Variants in RIMKLB observed in about 807,000 individuals in gnomAD.
The protein encoded by RIMKLB is ribosomal modification protein rimK like family member B, also known as beta-citrylglutamate synthase B.
Under a neutral mutation model 32.0 loss-of-function variants are expected in RIMKLB, and 7 were observed. That is an observed-to-expected ratio of 0.22 (90% CI 0.12 to 0.41). RIMKLB has a LOEUF of 0.41. RIMKLB is among the 10% of genes least tolerant of loss of function. The pLI is 1.00. For synonymous variants in RIMKLB, 172 were observed against 185.1 expected, an observed-to-expected ratio of 0.93 and a Z score of 0.57; for missense variants, 289 against 498.7, an observed-to-expected ratio of 0.58 and a Z score of 4.00.
chr12:8,696,166 AT>A (rs1321560060), upstream of RIMKLB, among the ~76,000 whole-genome samples: 1 of 151,834 alleles, frequency 6.6e-6, no homozygotes, highest in Non-Finnish European at 1.5e-5. Context: ...TCCTCTGTAC[AT>A]TTTTTTCCCT....
At chr12:8,693,692 C>T (rs751406674), upstream of RIMKLB, among the ~76,000 whole-genome samples, 46 of 152,102 alleles carry the variant, frequency 3.0e-4, no homozygotes, top group Admixed American at 2.9e-3. Context: ...GACACCACAC[C>T]GGGCCTGTAC....
rs3076182 is a variant in RIMKLB at position 8,704,971 on chromosome 12, AACAC to A, written c.-57+6700_-57+6703del. 2.2e-3 allele frequency among the ~76,000 whole-genome samples: 320 copies of A among 146,654 alleles called. 3 individuals are homozygous for A. The highest frequency in any genetic ancestry group is 5.3e-3 in the African/African-American group (209 of 39,382). On this transcript the variant is annotated intron_variant, in intron 1 of 5. Coordinates refer to ENST00000535829, the MANE Select transcript of RIMKLB (RefSeq NM_001297776.2). ...GTGCAGAGCAAGACCTCACCTCTAA[AACAC>A]ACACACACACACACACACACACACA...
At chr12:8,671,718 C>T in the RIMKLB span, among the ~76,000 whole-genome samples, 1 of 152,022 alleles carries the variant, frequency 6.6e-6, no homozygotes, top group East Asian at 1.9e-4. Context: ...CAAGACCAGC[C>T]TGGCCAAGAT....
upstream of RIMKLB, among the ~76,000 whole-genome samples, chr12:8,681,354 TATA>T (rs1486949007): frequency 6.6e-6 from 1 of 152,106 alleles, no homozygotes; most frequent in East Asian, 1.9e-4. Flanking sequence ...ATAAGTGTGG[TATA>T]ATAAGAAATA....
At chr12:8,694,232 C>CA (rs1008772373), upstream of RIMKLB, among the ~76,000 whole-genome samples, 44 of 152,026 alleles carry the variant, frequency 2.9e-4, no homozygotes, top group African/African-American at 9.6e-4. Flanking sequence ...GACTCCGTCT[C>CA]AAAAAACAAA....
intron 2 of RIMKLB, among the ~76,000 whole-genome samples, chr12:8,737,287 T>G (rs1169603138): frequency 4.6e-5 from 7 of 152,074 alleles, no homozygotes; most frequent in African/African-American, 1.4e-4. Flanking sequence ...TTTTGACATT[T>G]TTGTAGAGTA....
At chr12:8,705,341 G>A (rs1331950556) in intron 1 of RIMKLB, among the ~76,000 whole-genome samples, 2 of 152,058 alleles carry the variant, frequency 1.3e-5, no homozygotes, top group Non-Finnish European at 2.9e-5. Flanking sequence ...GCCGGGTGTG[G>A]TGGCACACGC....
In RIMKLB at chr12:8,775,486, T is replaced by G; in HGVS notation, c.*1702T>G. ...AGCAAGTTTTCCATCTCCCTACGAA[T>G]CCTCTGAAGCTTTTACCCAAGCCCT... On this transcript the variant is annotated 3_prime_UTR_variant, in exon 6 of 6. Transcript: ENST00000535829. 1 of 985,804 alleles carries G rather than the reference T, an allele frequency of 1.0e-6. No homozygotes were observed. 61.1% of individuals were successfully genotyped at this position (985,804 alleles called of 1,614,324 possible). A position where few individuals can be genotyped will look rare whatever the true frequency, so the allele number is the denominator to read the frequency against.
upstream of RIMKLB, among the ~76,000 whole-genome samples, chr12:8,681,376 C>T (rs1942406132): frequency 6.6e-6 from 1 of 152,108 alleles, no homozygotes; most frequent in Non-Finnish European, 1.5e-5. Flanking sequence ...TACATTTGGT[C>T]TTTGGGCCTG....
At chr12:8,740,094 C>T (rs1208598792) in intron 2 of RIMKLB, among the ~76,000 whole-genome samples, 1 of 151,850 alleles carries the variant, frequency 6.6e-6, no homozygotes, top group Non-Finnish European at 1.5e-5. Context: ...TTAGTAGAGG[C>T]AGGGTTTCAC....
chr12:8,772,530 A>G (rs1013726461), intron 5 of RIMKLB, among the ~76,000 whole-genome samples: 2 of 152,232 alleles, frequency 1.3e-5, no homozygotes, highest in African/African-American at 2.4e-5. Flanking sequence ...CCAGTCTTCT[A>G]CGGAGGTACC....
chr12:8,710,307 CTTTTT>C lies in RIMKLB; in HGVS notation c.-56-3488_-56-3484del, dbSNP rs762963381. 6.4e-5 allele frequency among the ~76,000 whole-genome samples: 8 copies of C among 125,598 alleles called. No individual in the cohort carries two copies. In the South Asian group the frequency reaches 1.0e-3, roughly 16 times the overall value. The allele number at this position is 125,598 out of a possible 152,430, so 82.4% of individuals were successfully genotyped here. Reference sequence around the variant, plus strand: ...TGTTTGTTTGTTTGTTTGTTTCCTTCTTTTTTTTTTTTTTTTTTTTGATGGAGTTT... The same window carrying C: ...TGTTTGTTTGTTTGTTTGTTTCCTTCTTTTTTTTTTTTTTTGATGGAGTTT... On this transcript the variant is annotated intron_variant, in intron 1 of 5. Coordinates refer to ENST00000535829, the MANE Select transcript of RIMKLB (RefSeq NM_001297776.2).
chr12:8,684,523 A>T (rs777807331), intron 1 of RIMKLB, among the ~76,000 whole-genome samples: 4 of 152,278 alleles, frequency 2.6e-5, no homozygotes, highest in African/African-American at 9.6e-5. Context: ...TGCATTTTGC[A>T]TATAGGTCTG....
intron 2 of RIMKLB, among the ~76,000 whole-genome samples, chr12:8,743,911 A>G (rs1341977300): frequency 6.6e-6 from 1 of 152,012 alleles, no homozygotes; most frequent in Non-Finnish European, 1.5e-5. Context: ...GAAAAATTTT[A>G]TAAGTTGGGG....
At chr12:8,778,063 TTAAG>T (rs2138379808), downstream of RIMKLB, among the ~76,000 whole-genome samples, 1 of 152,320 alleles carries the variant, frequency 6.6e-6, no homozygotes, top group Admixed American at 6.5e-5. Context: ...ATGTCTATAA[TTAAG>T]TATTTCAGAG....
chr12:8,716,725 C>CTTT (rs71451981), intron 2 of RIMKLB, among the ~76,000 whole-genome samples: 2,843 of 94,444 alleles, frequency 0.03, 39 homozygotes, highest in African/African-American at 0.067. Flanking sequence ...TCTTTTCCTT[C>CTTT]TTTTTTTTTT....
chr12:8,687,129 C>A (rs1476652903), intron 1 of RIMKLB, among the ~76,000 whole-genome samples: 1 of 152,100 alleles, frequency 6.6e-6, no homozygotes, highest in Non-Finnish European at 1.5e-5. Context: ...GGCATGATTG[C>A]CAGATAAACA....
At chr12:8,760,566 T>C (rs1360887743) in intron 5 of RIMKLB, among the ~76,000 whole-genome samples, 1 of 152,226 alleles carries the variant, frequency 6.6e-6, no homozygotes, top group East Asian at 1.9e-4. Context: ...ACCAACAGTG[T>C]AAAAGCATTC....
At chr12:8,716,553 C>T (rs2137002783) in intron 2 of RIMKLB, among the ~76,000 whole-genome samples, 1 of 134,676 alleles carries the variant, frequency 7.4e-6, no homozygotes, top group South Asian at 2.3e-4. Flanking sequence ...GCTATCATGG[C>T]TTCATTTTTT....
Sources: allele counts gnomAD v4.1 joint callset (sites outside exome capture counted in the v4.1 genomes callset), GRCh38; gene constraint gnomAD v4.1.1; transcripts MANE v1.5; gene names NCBI Gene and HGNC (gene_info 2026-07-23, HGNC 2026-07-21).